Variants in MAPRE3 observed in about 807,000 individuals in gnomAD.
MAPRE3 encodes microtubule-associated protein RP/EB family member 3.
MAPRE3 carries 2 observed loss-of-function variants against 30.5 expected under a neutral mutation model. The ratio of observed to expected loss-of-function variants is 0.07; its 90% CI spans 0.03 to 0.21. MAPRE3 has a LOEUF of 0.21. Among genes scored for constraint, MAPRE3 ranks in the 10% least tolerant of loss-of-function variants. The pLI is 1.00. For missense variants in MAPRE3, 204 were observed against 351.8 expected (o/e 0.58, Z 3.36); for synonymous variants, 110 against 127.7 (o/e 0.86, Z 0.93).
intron 1 of MAPRE3, among the ~76,000 whole-genome samples, chr2:27,021,911 T>G (rs1444006577): frequency 6.6e-6 from 1 of 152,240 alleles, no homozygotes; most frequent in African/African-American, 2.4e-5. Context: ...CCTGAACATT[T>G]ATGTGCCTGT....
At chr2:27,018,624 C>T (rs1321453663) in intron 1 of MAPRE3, among the ~76,000 whole-genome samples, 2 of 152,168 alleles carry the variant, frequency 1.3e-5, no homozygotes, top group Non-Finnish European at 2.9e-5. Context: ...AAATAATACT[C>T]ATCAAAATCA....
At chr2:26,997,586 C>T (rs1666492332) in intron 1 of MAPRE3, among the ~76,000 whole-genome samples, 1 of 152,144 alleles carries the variant, frequency 6.6e-6, no homozygotes, top group African/African-American at 2.4e-5. Context: ...GGAGGTGGAG[C>T]TCAGGCGGGA....
chr2:27,005,672 G>A (rs1558380754), intron 1 of MAPRE3, among the ~76,000 whole-genome samples: 1 of 152,180 alleles, frequency 6.6e-6, no homozygotes, highest in Non-Finnish European at 1.5e-5. Flanking sequence ...TCCTAGGGCA[G>A]AATCAATGGG....
At chr2:27,013,099 G>T in intron 1 of MAPRE3, 1 of 152,666 alleles carries the variant, frequency 6.6e-6, no homozygotes. Context: ...GAACTTGAAG[G>T]ATAATTAAAA....
intron 1 of MAPRE3, among the ~76,000 whole-genome samples, chr2:27,017,889 T>C (rs1459720409): frequency 6.6e-6 from 1 of 152,162 alleles, no homozygotes; most frequent in Non-Finnish European, 1.5e-5. Context: ...GGCTGCACTG[T>C]AGCCTCTTGA....
chr2:27,008,545 G>C (rs2148217752), intron 1 of MAPRE3, among the ~76,000 whole-genome samples: 1 of 152,258 alleles, frequency 6.6e-6, no homozygotes, highest in East Asian at 1.9e-4. Context: ...ACAGGTTTAG[G>C]ATTAAACTGA....
chr2:26,987,479 A>C (rs1041489084), intron 1 of MAPRE3, among the ~76,000 whole-genome samples: 2 of 152,062 alleles, frequency 1.3e-5, no homozygotes, highest in African/African-American at 4.8e-5. Context: ...TCTACTAAAA[A>C]TACAAAAAAA....
chr2:27,023,837 G>A (rs748849226), intron 3 of MAPRE3: 158 of 511,992 alleles, frequency 3.1e-4, no homozygotes, highest in Non-Finnish European at 5.1e-4. Flanking sequence ...CAGCCCACAC[G>A]CAGGCAGTAG....
chr2:26,982,062 G>T (rs1666124867), intron 1 of MAPRE3, among the ~76,000 whole-genome samples: 1 of 152,164 alleles, frequency 6.6e-6, no homozygotes, highest in Admixed American at 6.5e-5. Context: ...TCCTCCACAA[G>T]GTGCTTTGTG....
At chr2:27,013,255 G>T (rs1456429003) in intron 1 of MAPRE3, 2 of 152,360 alleles carry the variant, frequency 1.3e-5, no homozygotes, top group East Asian at 3.9e-4. Context: ...AAGCAGAGAG[G>T]TGCTCCCAGG....
rs1259868051 is a variant in MAPRE3 at position 27,004,087 on chromosome 2, A to T, written c.-7-18125A>T. Among the ~76,000 whole-genome samples the T allele has an allele frequency of 3.9e-5, 6 of 152,292 alleles. 1 individual carries two copies. The highest frequency in any genetic ancestry group is 1.4e-4 in the African/African-American group (6 of 41,556). Reference sequence around the variant, plus strand: ...TCTGTGCCCACGAGCCATACACATAATGATGTCCAAAAAGCGCTTCTATTT... The same window carrying T: ...TCTGTGCCCACGAGCCATACACATATTGATGTCCAAAAAGCGCTTCTATTT... On this transcript the variant is annotated intron_variant, in intron 1 of 6. Coordinates refer to ENST00000233121, the MANE Select transcript of MAPRE3 (RefSeq NM_012326.4).
At chr2:26,972,227 T>C (rs1665928179) in intron 1 of MAPRE3, among the ~76,000 whole-genome samples, 1 of 152,224 alleles carries the variant, frequency 6.6e-6, no homozygotes, top group Admixed American at 6.5e-5. Context: ...TTACTCCAGA[T>C]GGTAAAAGGA....
At chr2:26,979,428 G>T (rs577449306) in intron 1 of MAPRE3, among the ~76,000 whole-genome samples, 1 of 152,140 alleles carries the variant, frequency 6.6e-6, no homozygotes, top group Non-Finnish European at 1.5e-5. Flanking sequence ...TACAAAAATT[G>T]TTTTTAAATT....
intron 4 of MAPRE3, among the ~76,000 whole-genome samples, chr2:27,024,733 C>T (rs1667197153): frequency 6.6e-6 from 1 of 152,176 alleles, no homozygotes; most frequent in Non-Finnish European, 1.5e-5. Flanking sequence ...CACACCTTTC[C>T]CCACTCTAAA....
intron 1 of MAPRE3, among the ~76,000 whole-genome samples, chr2:26,990,146 C>G (rs1404008325): frequency 6.6e-6 from 1 of 152,162 alleles, no homozygotes; most frequent in African/African-American, 2.4e-5. Flanking sequence ...TGCCCTCCAG[C>G]CTGGGCGACA....
At chr2:26,992,979 T>C (rs549459847) in intron 1 of MAPRE3, among the ~76,000 whole-genome samples, 1 of 152,364 alleles carries the variant, frequency 6.6e-6, no homozygotes, top group Admixed American at 6.5e-5. Flanking sequence ...CTTTCCCTAG[T>C]TTCAGTTTAG....
intron 1 of MAPRE3, among the ~76,000 whole-genome samples, chr2:27,008,932 A>G (rs1240629687): frequency 6.6e-6 from 1 of 152,196 alleles, no homozygotes; most frequent in Admixed American, 6.5e-5. Context: ...CTATGCTGAG[A>G]AGAAAAAAAG....
At chr2:27,024,060 G>A (rs768012952) in intron 3 of MAPRE3, 36 bp from the exon 4 acceptor site, 7 of 1,539,862 alleles carry the variant, frequency 4.5e-6, no homozygotes, top group Admixed American at 1.7e-5. Context: ...ACAGCAGCAG[G>A]TGGCTAAAGT....
chr2:26,987,405 G>A (rs1666246059), intron 1 of MAPRE3, among the ~76,000 whole-genome samples: 1 of 152,160 alleles, frequency 6.6e-6, no homozygotes, highest in African/African-American at 2.4e-5. Context: ...GGGAGGCTGA[G>A]GCAGGTGGAT....
Sources: gnomAD v4.1 joint callset for allele counts (sites outside exome capture counted in the v4.1 genomes callset) on GRCh38, gnomAD v4.1.1 for gene constraint, MANE v1.5 for transcripts, NCBI Gene and HGNC (gene_info 2026-07-23, HGNC 2026-07-21) for gene names.